Variants in SLC5A4 observed in about 807,000 individuals in gnomAD.
SLC5A4 encodes solute carrier family 5 member 4.
A neutral mutation model predicts 70.3 loss-of-function variants in SLC5A4; 55 were observed. That is an observed-to-expected ratio of 0.78 (90% CI 0.63 to 0.98). The LOEUF (loss-of-function observed/expected upper bound fraction) is 0.98, where lower values mean the gene tolerates loss of function less well. Among genes scored for constraint, SLC5A4 ranks in the 50% least tolerant of loss-of-function variants. The pLI is 0.00. For synonymous variants in SLC5A4, 268 were observed against 305.7 expected (o/e 0.88, Z 1.29); for missense variants, 735 against 839.2 (o/e 0.88, Z 1.53).
chr22:32,273,056 C>G, the SLC5A4 span: 1 of 523,684 alleles, frequency 1.9e-6, no homozygotes, highest in South Asian at 1.5e-5. Context: ...GCACCATATC[C>G]GACATCATCC....
intron 5 of SLC5A4, among the ~76,000 whole-genome samples, chr22:32,241,364 C>T (rs749531605): frequency 3.9e-5 from 6 of 152,134 alleles, no homozygotes; most frequent in African/African-American, 7.2e-5. Context: ...GGACCTACAC[C>T]GAGGAGAAGC....
intron 13 of SLC5A4, among the ~76,000 whole-genome samples, chr22:32,223,374 T>C (rs905526940): frequency 6.6e-6 from 1 of 152,224 alleles, no homozygotes; most frequent in Non-Finnish European, 1.5e-5. Flanking sequence ...ATTGCTTTAC[T>C]ATAAATTACA....
rs769933151 is a variant in SLC5A4, at chr22:32,234,947, T to A, written c.811A>T (p.Thr271Ser). 3.1e-6 allele frequency: 5 copies of A among 1,613,172 alleles called. No individual in the cohort carries two copies. The South Asian group carries it at 5.5e-5, about 18-fold the overall frequency. ...DSFHIFRDAV[T>S]GDIPWPGIIF... ...ATTCCTGGCCATGGAATGTCCCCAGTCACAGCATCTCGGAAGATGTGGAAG... is the reference window on the plus strand; with the variant it reads ...ATTCCTGGCCATGGAATGTCCCCAGACACAGCATCTCGGAAGATGTGGAAG... The change falls in exon 8 of 15, where the codon ACT becomes TCT. Residue 271 changes from threonine to serine, a missense_variant. Transcript: ENST00000266086.
chr22:32,259,596 A>G (rs1176390538), upstream of SLC5A4, among the ~76,000 whole-genome samples: 1 of 152,108 alleles, frequency 6.6e-6, no homozygotes, highest in Non-Finnish European at 1.5e-5. Context: ...ATATTAGGTT[A>G]CCTATTTTGT....
At chr22:32,311,677 C>A in the SLC5A4 span, among the ~76,000 whole-genome samples, 1 of 152,144 alleles carries the variant, frequency 6.6e-6, no homozygotes, top group African/African-American at 2.4e-5. Flanking sequence ...GGAGGCTCCC[C>A]AGGGGCAGAG....
At chr22:32,348,834 T>C in the SLC5A4 span, among the ~76,000 whole-genome samples, 10 of 152,332 alleles carry the variant, frequency 6.6e-5, no homozygotes, top group Admixed American at 4.6e-4. Context: ...AACTAAATAA[T>C]ACCCTTTTCA....
the SLC5A4 span, among the ~76,000 whole-genome samples, chr22:32,306,676 C>T: frequency 1.3e-5 from 2 of 152,148 alleles, no homozygotes; most frequent in African/African-American, 2.4e-5. Context: ...GCTGTATGCC[C>T]TTGTCTGGCT....
At chr22:32,243,312 T>G (rs551240535) in intron 5 of SLC5A4, among the ~76,000 whole-genome samples, 1 of 152,114 alleles carries the variant, frequency 6.6e-6, no homozygotes, top group South Asian at 2.1e-4. Context: ...AGAAAAAGGG[T>G]ATGGAAATGT....
chr22:32,322,916 G>A, the SLC5A4 span, among the ~76,000 whole-genome samples: 1 of 152,206 alleles, frequency 6.6e-6, no homozygotes, highest in Non-Finnish European at 1.5e-5. Context: ...AGGAGGGCTT[G>A]CAACCAAGTG....
the SLC5A4 span, chr22:32,327,051 G>A: frequency 0.11 from 16,266 of 152,280 alleles, 1,038 homozygotes; most frequent in Admixed American, 0.19. Context: ...ATCTGTACAA[G>A]ACTAAATCTA....
rs78815332 is a variant in SLC5A4, at chr22:32,240,168, T to G, written c.478-1078A>C. 8.6e-3 allele frequency among the ~76,000 whole-genome samples: 1,307 copies of G among 152,194 alleles called. 9 individuals are homozygous for G. The highest frequency in any genetic ancestry group is 0.014 in the Non-Finnish European group (923 of 68,012). On this transcript the variant is annotated intron_variant, in intron 5 of 14. Coordinates refer to ENST00000266086, the MANE Select transcript of SLC5A4 (RefSeq NM_014227.3). ...GGGTTAGTTATGATTATTTTTGAAA[T>G]TGAGGGGAAAATGTAGAATTAATTT... is the stretch of plus-strand genomic sequence containing the variant.
chr22:32,251,877 G>A lies in SLC5A4; in HGVS notation c.208-3C>T, dbSNP rs2145703074. ...CTGGCAAAGAGAGAGGCGCCCATCTGGAATGCAAGAGAACAGACTAGGGTT... is the reference window on the plus strand; with the variant it reads ...CTGGCAAAGAGAGAGGCGCCCATCTAGAATGCAAGAGAACAGACTAGGGTT... On this transcript the variant is annotated splice_polypyrimidine_tract_variant and splice_region_variant and intron_variant, in intron 2 of 14. Transcript: ENST00000266086. 1 of 1,606,200 alleles carries A rather than the reference G, an allele frequency of 6.2e-7. No individual in the cohort carries two copies. The highest frequency in any genetic ancestry group is 8.5e-7 in the Non-Finnish European group (1 of 1,172,814).
At chr22:32,299,443 G>A in the SLC5A4 span, among the ~76,000 whole-genome samples, 2 of 105,714 alleles carry the variant, frequency 1.9e-5, no homozygotes, top group Non-Finnish European at 4.1e-5. Context: ...CCAGTTGATC[G>A]CATCGGCTCC....
At chr22:32,261,549 G>T in the SLC5A4 span, among the ~76,000 whole-genome samples, 1 of 152,182 alleles carries the variant, frequency 6.6e-6, no homozygotes, top group Non-Finnish European at 1.5e-5. Context: ...CTTACCAGGG[G>T]CAGGGTCAGA....
At chr22:32,329,011 G>A in the SLC5A4 span, among the ~76,000 whole-genome samples, 18 of 152,346 alleles carry the variant, frequency 1.2e-4, no homozygotes, top group African/African-American at 3.1e-4. Context: ...TCTTCCTACT[G>A]GTGCCAGCAT....
chr22:32,271,337 C>T, the SLC5A4 span: 11 of 737,146 alleles, frequency 1.5e-5, no homozygotes, highest in South Asian at 5.9e-5. Flanking sequence ...CTGCCTCTCT[C>T]GTCAAGGAGG....
chr22:32,342,189 C>T, the SLC5A4 span, among the ~76,000 whole-genome samples: 1 of 152,196 alleles, frequency 6.6e-6, no homozygotes, highest in African/African-American at 2.4e-5. Flanking sequence ...ATAACTAAAA[C>T]ATGAAGTTTG....
rs1251814492 is a variant in SLC5A4 at position 32,218,673 on chromosome 22, G to A, written c.1821C>T (p.Cys607=). The A allele has an allele frequency of 1.1e-5, 17 of 1,613,762 alleles. No homozygotes were observed. Among genetic ancestry groups the A allele is most frequent in the African/African-American group, 6.7e-5 (5 of 74,842 alleles). ...TTAGCTTGGGTCCCTTCTGCAAACC[G>A]CAGAACAAGTCATAAGCTTTCTTGA... is the stretch of plus-strand genomic sequence containing the variant. The part of the protein sequence containing the change: ...GCLKKAYDLF[C]GLQKGPKLTK... The change falls in exon 15 of 15, where the codon TGC becomes TGT. Residue 607 remains cysteine, a synonymous_variant. Coordinates refer to ENST00000266086, the MANE Select transcript of SLC5A4 (RefSeq NM_014227.3).
the SLC5A4 span, among the ~76,000 whole-genome samples, chr22:32,293,493 C>T: frequency 6.6e-6 from 1 of 151,986 alleles, no homozygotes. Context: ...AAAATGCATC[C>T]GTAACATAAT....
Sources: allele counts gnomAD v4.1 joint callset (sites outside exome capture counted in the v4.1 genomes callset), GRCh38; gene constraint gnomAD v4.1.1; transcripts MANE v1.5; gene names NCBI Gene and HGNC (gene_info 2026-07-23, HGNC 2026-07-21).